CNTNAP2: variants seen among roughly 807,000 people sequenced by gnomAD.
CNTNAP2 encodes the protein contactin associated protein 2.
CNTNAP2 carries 98 observed loss-of-function variants against 155.2 expected under a neutral mutation model. The observed-to-expected ratio is 0.63, with a 90% CI of 0.54 to 0.75. The LOEUF (loss-of-function observed/expected upper bound fraction) is 0.75. Among genes scored for constraint, CNTNAP2 ranks in the 30% least tolerant of loss-of-function variants. The pLI, the probability that CNTNAP2 is intolerant of heterozygous loss-of-function variation, is 0.00. For missense variants in CNTNAP2, 1,727 were observed against 1,688.1 expected (o/e 1.02, Z -0.40); for synonymous variants, 651 against 631.2 (o/e 1.03, Z -0.47).
chr7:146,756,583 G>A lies in CNTNAP2; in HGVS notation c.98-17688G>A, dbSNP rs937692968. On this transcript the variant is annotated intron_variant, in intron 1 of 23. Coordinates refer to ENST00000361727, the MANE Select transcript of CNTNAP2 (RefSeq NM_014141.6). ...CTTCCCAAATTCAATATATACACAC[G>A]GGCTTCCTATTGGTAGTAAGACTTT... Among the ~76,000 whole-genome samples, 4 of 151,650 alleles carry A rather than the reference G, an allele frequency of 2.6e-5. No homozygotes were observed. The South Asian group carries it at 8.3e-4, about 31-fold the overall frequency.
At chr7:146,969,820 C>T (rs1409301707) in intron 3 of CNTNAP2, among the ~76,000 whole-genome samples, 1 of 152,080 alleles carries the variant, frequency 6.6e-6, no homozygotes, top group East Asian at 1.9e-4. Flanking sequence ...TACTACAAGG[C>T]TACAGTAATC....
chr7:147,083,223 T>G (rs1809228730), intron 4 of CNTNAP2: 2 of 152,070 alleles, frequency 1.3e-5, no homozygotes, highest in South Asian at 4.1e-4. Context: ...AAGGCTTGTC[T>G]GAGGTCAACA....
intron 14 of CNTNAP2, among the ~76,000 whole-genome samples, chr7:147,932,046 C>A (rs542342498): frequency 6.6e-6 from 1 of 152,100 alleles, no homozygotes; most frequent in East Asian, 1.9e-4. Flanking sequence ...CTACCAGGCC[C>A]AGCTAATTTT....
chr7:146,652,724 A>AG (rs1421297746), intron 1 of CNTNAP2, among the ~76,000 whole-genome samples: 1 of 152,212 alleles, frequency 6.6e-6, no homozygotes, highest in East Asian at 1.9e-4. Context: ...CAGACCAAAT[A>AG]GATCATGACA....
intron 3 of CNTNAP2, among the ~76,000 whole-genome samples, chr7:146,905,809 T>C (rs1443715452): frequency 1.3e-5 from 2 of 152,170 alleles, no homozygotes; most frequent in Non-Finnish European, 2.9e-5. Context: ...GATGGCCGAA[T>C]AGGAACAGCT....
At chr7:148,311,506 G>A (rs1319967771) in intron 21 of CNTNAP2, among the ~76,000 whole-genome samples, 1 of 152,142 alleles carries the variant, frequency 6.6e-6, no homozygotes, top group Non-Finnish European at 1.5e-5. Context: ...CAGGGTGAAA[G>A]TACTGGAGGG....
chr7:146,617,876 ACTC>A (rs1238376280), intron 1 of CNTNAP2, among the ~76,000 whole-genome samples: 2 of 152,180 alleles, frequency 1.3e-5, no homozygotes, highest in Non-Finnish European at 2.9e-5. Context: ...ATGATAAAAT[ACTC>A]AAAAAATGGA....
intron 1 of CNTNAP2, among the ~76,000 whole-genome samples, chr7:146,199,028 G>A (rs928705428): frequency 2.0e-5 from 3 of 151,950 alleles, no homozygotes; most frequent in Admixed American, 1.3e-4. Flanking sequence ...TACATTTGTC[G>A]ATTTTTTCCA....
At chr7:147,496,340 C>G (rs191935427) in intron 11 of CNTNAP2, among the ~76,000 whole-genome samples, 173 of 152,156 alleles carry the variant, frequency 1.1e-3, no homozygotes, top group African/African-American at 4.0e-3. Flanking sequence ...TTAAGTTTTC[C>G]CATAACAGGT....
intron 11 of CNTNAP2, among the ~76,000 whole-genome samples, chr7:147,550,970 T>C (rs554797904): frequency 6.6e-6 from 1 of 152,262 alleles, no homozygotes; most frequent in African/African-American, 2.4e-5. Context: ...AAAATACTAT[T>C]CCCATAGAAT....
intron 13 of CNTNAP2, among the ~76,000 whole-genome samples, chr7:147,816,816 A>G (rs1396662614): frequency 6.6e-6 from 1 of 152,164 alleles, no homozygotes; most frequent in Admixed American, 6.5e-5. Flanking sequence ...ATAACTGATC[A>G]AAGCAACGTT....
intron 16 of CNTNAP2, among the ~76,000 whole-genome samples, chr7:148,127,163 G>A (rs1787659852): frequency 1.3e-5 from 2 of 152,010 alleles, no homozygotes; most frequent in Non-Finnish European, 2.9e-5. Flanking sequence ...AAATTAGCTG[G>A]GCGTGGTGGC....
chr7:147,120,842 G>C, intron 5 of CNTNAP2, 137 bp from the exon 6 acceptor site: 1 of 784,910 alleles, frequency 1.3e-6, no homozygotes, highest in Non-Finnish European at 2.2e-6. Context: ...GTTACTTACT[G>C]GTATCCCAGG....
rs192180677 is a variant in CNTNAP2, at chr7:146,509,657, G to A, written c.98-264614G>A. Among the ~76,000 whole-genome samples, 220 of 152,094 alleles carry A rather than the reference G, an allele frequency of 1.4e-3. 1 individual carries two copies. Among genetic ancestry groups the A allele is most frequent in the African/African-American group, 5.2e-3 (214 of 41,508 alleles). On this transcript the variant is annotated intron_variant, in intron 1 of 23. Transcript: ENST00000361727. ...CAGGGGTCTCTGACTGGGGTGGCAG[G>A]CCCAAGCCTACACTAATAGCAGCCT...
Position 147,327,719 on chromosome 7 carries a change from TTAAAA to T in CNTNAP2, c.1498+27432_1498+27436del, listed in dbSNP as rs1310732716. Among the ~76,000 whole-genome samples, 19 of 152,274 alleles carry T rather than the reference TTAAAA, an allele frequency of 1.2e-4. No individual in the cohort carries two copies. In the South Asian group the frequency reaches 3.9e-3, roughly 32 times the overall value. The stretch of plus-strand genomic sequence containing the variant: ...AGAGACTTACATATAGTTGAGCACT[TTAAAA>T]TATCTGTTCTGAGCTTAGTGGGACT... On this transcript the variant is annotated intron_variant, in intron 9 of 23. Transcript: ENST00000361727.
At position 146,684,639 on chromosome 7, in the gene CNTNAP2, C is replaced by CAAAAAAAAAAAA. The variant is rs3080477; in HGVS notation, c.98-89623_98-89612dup. On this transcript the variant is annotated intron_variant, in intron 1 of 23. Coordinates refer to ENST00000361727, the MANE Select transcript of CNTNAP2 (RefSeq NM_014141.6). Reference sequence around the variant, plus strand: ...GCTTCGAGCAATAATAGATCCAGCGCAAAAAAAAAAAAAAAAAAAAGCTGG... The same window carrying CAAAAAAAAAAAA: ...GCTTCGAGCAATAATAGATCCAGCGCAAAAAAAAAAAAAAAAAAAAAAAAAAAAAAAAGCTGG... 9.3e-4 allele frequency among the ~76,000 whole-genome samples: 59 copies of CAAAAAAAAAAAA among 63,486 alleles called. 7 individuals are homozygous for CAAAAAAAAAAAA. Among genetic ancestry groups the CAAAAAAAAAAAA allele is most frequent in the Non-Finnish European group, 1.1e-3 (40 of 35,796 alleles). 41.6% of individuals were successfully genotyped at this position (63,486 alleles called of 152,430 possible).
intron 1 of CNTNAP2, among the ~76,000 whole-genome samples, chr7:146,229,156 A>T (rs1799343131): frequency 6.6e-6 from 1 of 152,224 alleles, no homozygotes; most frequent in East Asian, 1.9e-4. Flanking sequence ...ACTGCTTAAA[A>T]AATATTCAAT....
chr7:146,510,015 C>T (rs1437380409), intron 1 of CNTNAP2, among the ~76,000 whole-genome samples: 2 of 152,126 alleles, frequency 1.3e-5, no homozygotes, highest in African/African-American at 4.8e-5. Context: ...CAAGGGCTCA[C>T]TCACCTCGGA....
At chr7:147,343,094 G>C (rs1238286442) in intron 9 of CNTNAP2, among the ~76,000 whole-genome samples, 1 of 152,010 alleles carries the variant, frequency 6.6e-6, no homozygotes, top group African/African-American at 2.4e-5. Flanking sequence ...GAATTGCACT[G>C]AACTTTTAAG....
Sources: gnomAD v4.1 joint callset for allele counts (sites outside exome capture counted in the v4.1 genomes callset) on GRCh38, gnomAD v4.1.1 for gene constraint, MANE v1.5 for transcripts, NCBI Gene and HGNC (gene_info 2026-07-23, HGNC 2026-07-21) for gene names.